The following LEPR variants were observed in gnomAD, a reference collection of about 807,000 sequenced individuals.
The protein encoded by LEPR is OB receptor.
A neutral mutation model predicts 114.7 loss-of-function variants in LEPR; 56 were observed. The observed-to-expected ratio is 0.49, with a 90% CI of 0.39 to 0.61. The LOEUF (loss-of-function observed/expected upper bound fraction) is 0.61, where lower values mean the gene tolerates loss of function less well. LEPR is among the 20% of genes least tolerant of loss of function. The pLI is 0.00. For missense variants in LEPR, 1,202 were observed against 1,352.9 expected (o/e 0.89, Z 1.75); for synonymous variants, 443 against 461.4 (o/e 0.96, Z 0.51).
chr1:65,451,788 A>G (rs1226159984), intron 2 of LEPR, among the ~76,000 whole-genome samples: 3 of 151,954 alleles, frequency 2.0e-5, no homozygotes, highest in African/African-American at 7.3e-5. Context: ...TATGAACTTT[A>G]AAGTAGTTTT....
intron 2 of LEPR, among the ~76,000 whole-genome samples, chr1:65,547,539 A>T (rs576805664): frequency 8.5e-4 from 129 of 151,538 alleles, no homozygotes; most frequent in African/African-American, 3.1e-3. Context: ...GTCTTGGGAG[A>T]GTGTATGTGT....
intron 2 of LEPR, among the ~76,000 whole-genome samples, chr1:65,459,281 C>T (rs1474577619): frequency 6.6e-6 from 1 of 152,084 alleles, no homozygotes; most frequent in African/African-American, 2.4e-5. Flanking sequence ...TGGGGTGCTA[C>T]TGAATTCTCT....
chr1:65,443,902 G>A (rs1028551195), intron 2 of LEPR, among the ~76,000 whole-genome samples: 2 of 151,840 alleles, frequency 1.3e-5, no homozygotes, highest in South Asian at 4.2e-4. Flanking sequence ...CCACCTATCT[G>A]GATCAGGAAA....
intron 4 of LEPR, among the ~76,000 whole-genome samples, chr1:65,571,906 G>T (rs6678948): frequency 0.22 from 31,272 of 139,130 alleles, 3,726 homozygotes; most frequent in South Asian, 0.29. Context: ...GGAGGCTGCA[G>T]TGAGCCATGA....
At position 65,420,709 on chromosome 1, in the gene LEPR, C is replaced by T; in HGVS notation, c.-128C>T. 1 of 1,580,188 alleles carries T rather than the reference C, an allele frequency of 6.3e-7. No individual in the cohort carries two copies. The highest frequency in any genetic ancestry group is 1.2e-5 in the South Asian group (1 of 86,236). On this transcript the variant is annotated 5_prime_UTR_variant, in exon 1 of 20. Coordinates refer to ENST00000349533, the MANE Select transcript of LEPR (RefSeq NM_002303.6). ...GGCAGGAAGCCGGAAGCAGCCGCGG[C>T]CCCAGTTCGGGAGACATGGCGGGCG...
At chr1:65,635,494 T>G (rs532828764) in intron 19 of LEPR, 1 of 499,638 alleles carries the variant, frequency 2.0e-6, no homozygotes, top group Non-Finnish European at 2.6e-6. Context: ...AAGTTATTTA[T>G]AAGGAATAGT....
At chr1:65,523,860 C>G (rs553882307) in intron 2 of LEPR, among the ~76,000 whole-genome samples, 1 of 152,250 alleles carries the variant, frequency 6.6e-6, no homozygotes, top group South Asian at 2.1e-4. Context: ...TTAAGAATCT[C>G]GAGATGAGAC....
chr1:65,610,163 T>C (rs189323373), intron 13 of LEPR, 51 bp from the exon 14 acceptor site: 1 of 1,614,118 alleles, frequency 6.2e-7, no homozygotes, highest in Admixed American at 1.7e-5. Flanking sequence ...GCTTCAAATA[T>C]GGCTGAAAAG....
At chr1:65,589,335 A>G (rs1213725106) in intron 5 of LEPR, among the ~76,000 whole-genome samples, 1 of 152,052 alleles carries the variant, frequency 6.6e-6, no homozygotes, top group African/African-American at 2.4e-5. Context: ...TATCAGATAG[A>G]TAATTGGCAA....
Position 65,633,562 on chromosome 1 carries a change from A to G in LEPR, c.2674-2629A>G. The G allele has an allele frequency of 2.0e-6, 2 of 1,005,246 alleles. No homozygotes were observed. The highest frequency in any genetic ancestry group is 9.1e-5 in the South Asian group (2 of 21,892). 62.3% of individuals were successfully genotyped at this position (1,005,246 alleles called of 1,614,324 possible). On this transcript the variant is annotated intron_variant, in intron 19 of 19. Coordinates refer to ENST00000349533, the MANE Select transcript of LEPR (RefSeq NM_002303.6). The surrounding 1 kb of genome is among the most constrained non-coding windows in gnomAD (Gnocchi z 4.1). The stretch of plus-strand genomic sequence containing the variant: ...ACAATGCTGTAATTAGGTGAACTCT[A>G]AAACTGCAACATCTGACAAATAGCT...
chr1:65,500,181 G>T (rs1332933142), intron 2 of LEPR, among the ~76,000 whole-genome samples: 1 of 151,986 alleles, frequency 6.6e-6, no homozygotes, highest in Non-Finnish European at 1.5e-5. Context: ...GGCCTCCTCA[G>T]CCATGTGGAA....
Position 65,596,587 on chromosome 1 carries a change from C to T in LEPR, c.843C>T (p.Ile281=), listed in dbSNP as rs571547635. The T allele has an allele frequency of 6.2e-7, 1 of 1,611,652 alleles. No individual in the cohort carries two copies. The highest frequency in any genetic ancestry group is 8.5e-7 in the Non-Finnish European group (1 of 1,178,582). The change falls in exon 7 of 20, where the codon ATC becomes ATT. Residue 281 remains isoleucine, a synonymous_variant. Transcript: ENST00000349533. ...ATTCAGAGAATTCTACAACAGTTAT[C>T]AGAGAAGTAAGTATATTTTAGTAAG... ...VKYSENSTTV[I]READKIVSAT...
chr1:65,479,586 A>C (rs1327502819), intron 2 of LEPR, among the ~76,000 whole-genome samples: 1 of 152,174 alleles, frequency 6.6e-6, no homozygotes, highest in Non-Finnish European at 1.5e-5. Context: ...AGTAGTTTAC[A>C]CTTCTTCACT....
chr1:65,432,787 A>G (rs915801399), intron 2 of LEPR: 40 of 527,034 alleles, frequency 7.6e-5, no homozygotes, highest in Admixed American at 2.5e-4. Flanking sequence ...GTATATTTCA[A>G]TATTGCTAAG....
chr1:65,530,404 G>T (rs1413670057), intron 2 of LEPR, among the ~76,000 whole-genome samples: 1 of 152,220 alleles, frequency 6.6e-6, no homozygotes, highest in African/African-American at 2.4e-5. Context: ...ATTAGGTAGA[G>T]TAAAGTGAAA....
Position 65,526,492 on chromosome 1 carries a change from T to G in LEPR, c.-20-39054T>G, listed in dbSNP as rs1042624143. Reference sequence around the variant, plus strand: ...TTTCTGGTGTTATTTCTAGAACTTGTGTTTGCAAACAGATTAGAATTCTGG... The same window carrying G: ...TTTCTGGTGTTATTTCTAGAACTTGGGTTTGCAAACAGATTAGAATTCTGG... On this transcript the variant is annotated intron_variant, in intron 2 of 19. Coordinates refer to ENST00000349533, the MANE Select transcript of LEPR (RefSeq NM_002303.6). 17 of 897,528 alleles carry G rather than the reference T, an allele frequency of 1.9e-5. No individual in the cohort carries two copies. The African/African-American group carries it at 2.5e-4, about 13-fold the overall frequency. The allele number at this position is 897,528 out of a possible 1,614,324, so 55.6% of individuals were successfully genotyped here. A position where few individuals can be genotyped will look rare whatever the true frequency, so the allele number is the denominator to read the frequency against.
chr1:65,572,605 TTTCTC>T (rs1193532930), intron 5 of LEPR, among the ~76,000 whole-genome samples, 156 bp downstream of exon 5: 1 of 152,270 alleles, frequency 6.6e-6, no homozygotes, highest in East Asian at 1.9e-4. Flanking sequence ...GGTTTCCTCT[TTTCTC>T]CTCCTGCTAA....
chr1:65,429,790 T>A, intron 2 of LEPR: 1 of 1,212,090 alleles, frequency 8.3e-7, no homozygotes, highest in East Asian at 2.7e-5. Context: ...GATTTTGAAA[T>A]AGTAGTATGT....
intron 2 of LEPR, among the ~76,000 whole-genome samples, chr1:65,513,682 A>G (rs368114719): frequency 2.6e-5 from 4 of 152,336 alleles, no homozygotes; most frequent in African/African-American, 9.6e-5. Context: ...GATTGTCAGA[A>G]ATGTTGGCCA....
Sources: allele counts gnomAD v4.1 joint callset (sites outside exome capture counted in the v4.1 genomes callset), GRCh38; gene constraint gnomAD v4.1.1; non-coding constraint Gnocchi (gnomAD v3.1); transcripts MANE v1.5; gene names NCBI Gene and HGNC (gene_info 2026-07-23, HGNC 2026-07-21).